Variants in DSG2 observed in about 807,000 individuals in gnomAD.
The protein encoded by DSG2 is desmoglein-2.
In DSG2, 45 loss-of-function variants were observed where a neutral mutation model predicts 75.6. That is an observed-to-expected ratio of 0.60 (90% CI 0.47 to 0.76). DSG2 has a LOEUF of 0.76. Ranked by LOEUF, DSG2 falls within the 30% of genes least tolerant of loss-of-function variation. The pLI is 0.00. For synonymous variants in DSG2, 429 were observed against 483.9 expected (o/e 0.89, Z 1.49); for missense variants, 1,267 against 1,357.4 (o/e 0.93, Z 1.05).
Position 31,528,402 on chromosome 18 carries a change from G to A in DSG2, c.1015-2585G>A, listed in dbSNP as rs566961274. 1.0e-3 allele frequency among the ~76,000 whole-genome samples: 158 copies of A among 152,188 alleles called. 1 individual carries two copies. Among genetic ancestry groups the A allele is most frequent in the African/African-American group, 3.5e-3 (144 of 41,520 alleles). The stretch of plus-strand genomic sequence containing the variant: ...GAAGTACTGATACAAGCTACAACAC[G>A]GATGAACCTCAAAAACATTATGCTA... On this transcript the variant is annotated intron_variant, in intron 8 of 14. Transcript: ENST00000261590.
intron 1 of DSG2, among the ~76,000 whole-genome samples, chr18:31,515,204 G>A (rs953028741): frequency 6.6e-6 from 1 of 152,100 alleles, no homozygotes; most frequent in Non-Finnish European, 1.5e-5. Context: ...CCGGGTTCAC[G>A]CCATTCTCCT....
intron 9 of DSG2, among the ~76,000 whole-genome samples, chr18:31,533,488 G>A (rs1176333399): frequency 2.6e-5 from 4 of 152,124 alleles, no homozygotes; most frequent in Admixed American, 2.6e-4. Context: ...TTATTCATGT[G>A]TATCAGCTGT....
At chr18:31,511,671 A>G (rs1420031569) in intron 1 of DSG2, among the ~76,000 whole-genome samples, 1 of 152,254 alleles carries the variant, frequency 6.6e-6, no homozygotes, top group Non-Finnish European at 1.5e-5. Context: ...TGCAGATAGC[A>G]GAACCCTCTT....
intron 1 of DSG2, among the ~76,000 whole-genome samples, chr18:31,513,129 C>G (rs7231817): frequency 3.9e-5 from 6 of 152,084 alleles, no homozygotes; most frequent in Non-Finnish European, 5.9e-5. Flanking sequence ...GTAACAAAAC[C>G]CAACTAAAAC....
At chr18:31,533,309 A>C (rs1395259681) in intron 9 of DSG2, among the ~76,000 whole-genome samples, 3 of 152,120 alleles carry the variant, frequency 2.0e-5, no homozygotes, top group African/African-American at 7.2e-5. Context: ...TCTCTACAAA[A>C]AAAAATTTTT....
At chr18:31,511,315 C>A (rs1231477091) in intron 1 of DSG2, among the ~76,000 whole-genome samples, 1 of 152,202 alleles carries the variant, frequency 6.6e-6, no homozygotes, top group Non-Finnish European at 1.5e-5. Flanking sequence ...TTTATCTCCC[C>A]TACCTCGAGC....
chr18:31,546,923 T>G lies in DSG2; in HGVS notation c.*180T>G. 1.4e-6 allele frequency: 1 copy of G among 713,714 alleles called. No homozygotes were observed. The highest frequency in any genetic ancestry group is 1.6e-5 in the South Asian group (1 of 61,418). The allele number at this position is 713,714 out of a possible 1,614,324, so 44.2% of individuals were successfully genotyped here. A position where few individuals can be genotyped will look rare whatever the true frequency, so the allele number is the denominator to read the frequency against. On this transcript the variant is annotated 3_prime_UTR_variant, in exon 15 of 15. Coordinates refer to ENST00000261590, the MANE Select transcript of DSG2 (RefSeq NM_001943.5). ...CACTGTCTCTGCTTCCAGGAGTATT[T>G]TAGAAATGTTCCACAATTTACTGAA...
At chr18:31,517,437 T>C (rs923686650) in intron 1 of DSG2, among the ~76,000 whole-genome samples, 22 of 152,218 alleles carry the variant, frequency 1.4e-4, no homozygotes, top group Admixed American at 1.4e-3. Context: ...AGAAGAGAAT[T>C]ATTTAAATGT....
At chr18:31,542,218 GA>G in intron 13 of DSG2, 1 of 437,796 alleles carries the variant, frequency 2.3e-6, no homozygotes, top group Non-Finnish European at 4.2e-6. Flanking sequence ...TGTAACTATA[GA>G]AGAAGGTATC....
chr18:31,546,257 G>A lies in DSG2; in HGVS notation c.2871G>A (p.Gln957=), dbSNP rs2073308261. The A allele has an allele frequency of 6.2e-7, 1 of 1,605,180 alleles. No individual in the cohort carries two copies. Among genetic ancestry groups the A allele is most frequent in the Non-Finnish European group, 8.5e-7 (1 of 1,175,294 alleles). The change falls in exon 15 of 15, where the codon CAG becomes CAA. Residue 957 remains glutamine, a synonymous_variant. Transcript: ENST00000261590. ...PPTTVILGPS[Q]PQSLIVTERV... ...CCACTGTGATCCTGGGTCCTAGCCA[G>A]CCACAGAGCCTTATTGTGACAGAGA...
At position 31,546,856 on chromosome 18, in the gene DSG2, T is replaced by C; in HGVS notation, c.*113T>C. The C allele has an allele frequency of 8.3e-7, 1 of 1,212,082 alleles. No individual in the cohort carries two copies. The allele number at this position is 1,212,082 out of a possible 1,614,324, so 75.1% of individuals were successfully genotyped here. ...CAGACACACAGAGACACATACACAT[T>C]GATCTTAAAATTTTTCTCAGTCACT... is the stretch of plus-strand genomic sequence containing the variant. On this transcript the variant is annotated 3_prime_UTR_variant, in exon 15 of 15. Transcript: ENST00000261590.
chr18:31,498,660 G>A (rs1016483241), intron 1 of DSG2, among the ~76,000 whole-genome samples: 1 of 152,150 alleles, frequency 6.6e-6, no homozygotes, highest in Non-Finnish European at 1.5e-5. Flanking sequence ...GACGAGAAAC[G>A]TGGAGGCAAT....
rs1014175452 is a variant in DSG2, at chr18:31,524,685, T to C, written c.829-18T>C. On this transcript the variant is annotated intron_variant, in intron 7 of 14. Coordinates refer to ENST00000261590, the MANE Select transcript of DSG2 (RefSeq NM_001943.5). ...TTGTATTTCATTGAAATAAAAATCA[T>C]GTGTTCATGTTTTGCAGCTTGAAGG... The C allele has an allele frequency of 2.5e-6, 4 of 1,613,654 alleles. No individual in the cohort carries two copies. The highest frequency in any genetic ancestry group is 3.4e-6 in the Non-Finnish European group (4 of 1,179,898).
In DSG2 at chr18:31,524,172, A is replaced by G. The variant is rs73956201; in HGVS notation, c.691-276A>G. On this transcript the variant is annotated intron_variant, in intron 6 of 14. Transcript: ENST00000261590. ...TCACTTTCAGTAGAGAATAAGCTAC[A>G]TTTTCAATAGTGGCTCCTTTGTGCA... 0.055 allele frequency among the ~76,000 whole-genome samples: 8,343 copies of G among 152,252 alleles called. 610 individuals are homozygous for G. Among genetic ancestry groups the G allele is most frequent in the East Asian group, 0.17 (874 of 5,176 alleles).
Position 31,536,388 on chromosome 18 carries a change from C to T in DSG2, c.1610C>T (p.Pro537Leu), listed in dbSNP as rs1598819817. ...TTCAGTTTCTCCGTCATTGACAAAC[C>T]ACCTGGCATGGCAGAAAAATGGAAA... ...GPFSFSVIDK[P>L]PGMAEKWKIA... Residue 537 changes from proline (P) to leucine (L), a missense_variant, in exon 11 of 15, where the codon CCA (proline) becomes CTA (leucine). Pro to Leu is a moderately conservative substitution (Grantham distance 98). Coordinates refer to ENST00000261590, the MANE Select transcript of DSG2 (RefSeq NM_001943.5). The T allele has an allele frequency of 1.2e-6, 2 of 1,614,002 alleles. No homozygotes were observed. Among genetic ancestry groups the T allele is most frequent in the African/African-American group, 2.7e-5 (2 of 74,904 alleles).
At chr18:31,498,736 C>T (rs988840115) in intron 1 of DSG2, among the ~76,000 whole-genome samples, 1 of 152,082 alleles carries the variant, frequency 6.6e-6, no homozygotes, top group Non-Finnish European at 1.5e-5. Context: ...CTCCTCTAGC[C>T]GCCGACACAA....
chr18:31,519,758 T>C (rs1485852686), intron 2 of DSG2, 45 bp from the exon 3 acceptor site: 2 of 1,590,686 alleles, frequency 1.3e-6, no homozygotes, highest in Non-Finnish European at 1.7e-6. Context: ...TAATGTTCTA[T>C]ATTTATGACA....
chr18:31,540,642 A>G (rs2073260799), intron 12 of DSG2, among the ~76,000 whole-genome samples: 1 of 152,198 alleles, frequency 6.6e-6, no homozygotes, highest in Non-Finnish European at 1.5e-5. Flanking sequence ...TCATCATTGG[A>G]AGCTGCCAAA....
chr18:31,536,531 G>A, intron 11 of DSG2, 102 bp downstream of exon 11: 2 of 1,257,672 alleles, frequency 1.6e-6, no homozygotes, highest in Non-Finnish European at 2.2e-6. Flanking sequence ...TTCCAATATA[G>A]TTTTTTAAAG....
Sources: gnomAD v4.1 joint callset for allele counts (sites outside exome capture counted in the v4.1 genomes callset) on GRCh38, gnomAD v4.1.1 for gene constraint, MANE v1.5 for transcripts, NCBI Gene and HGNC (gene_info 2026-07-23, HGNC 2026-07-21) for gene names.